Variants in GPR137B observed in about 807,000 individuals in gnomAD.
The protein encoded by GPR137B is integral membrane protein GPR137B.
In GPR137B, 42 loss-of-function variants were observed where a neutral mutation model predicts 42.5. That is an observed-to-expected ratio of 0.99 (90% CI 0.77 to 1.28). The LOEUF is 1.28. Ranked by LOEUF, GPR137B falls within the 50% of genes most tolerant of loss-of-function variation. The pLI is 0.00. For missense variants in GPR137B, 487 were observed against 493.9 expected, an observed-to-expected ratio of 0.99 and a Z score of 0.13; for synonymous variants, 218 against 209.7, an observed-to-expected ratio of 1.04 and a Z score of -0.34.
chr1:236,183,856 A>G lies in GPR137B; in HGVS notation c.916A>G (p.Thr306Ala). The change falls in exon 5 of 7, where the codon ACC (threonine) becomes GCC (alanine). Residue 306 changes from threonine (T) to alanine (A), a missense_variant. Thr to Ala is a moderately conservative substitution (Grantham distance 58, BLOSUM62 0). Transcript: ENST00000366592. ...GTTATTTGTTTGGGAACTCTTACCT[A>G]CCACCTTAGTCGTTTATTTCTTCCG... is the stretch of plus-strand genomic sequence containing the variant. ...VVLFVWELLP[T>A]TLVVYFFRVR... 6.2e-7 allele frequency: 1 copy of G among 1,606,098 alleles called. No individual in the cohort carries two copies. The highest frequency in any genetic ancestry group is 2.2e-5 in the East Asian group (1 of 44,716).
intron 5 of GPR137B, among the ~76,000 whole-genome samples, chr1:236,195,696 G>C (rs1446067116): frequency 2.0e-5 from 3 of 152,146 alleles, no homozygotes; most frequent in Non-Finnish European, 4.4e-5. Flanking sequence ...TCTCCATAGT[G>C]GTTGTACTAA....
At chr1:236,173,328 AAGGGAGGG>A (rs1662600508) in intron 2 of GPR137B, among the ~76,000 whole-genome samples, 1 of 148,054 alleles carries the variant, frequency 6.8e-6, no homozygotes, top group African/African-American at 2.5e-5. Flanking sequence ...GGATGAAAGG[AAGGGAGGG>A]AGGGAAAGAG....
rs1662757992 is a variant in GPR137B at position 236,178,500 on chromosome 1, A to G, written c.551A>G (p.Asn184Ser). ...TGTGCTGTGCTGGTAAAGACGGGAAATTGGGAGAGGAAGGTTATCGTCTCT... is the reference window on the plus strand; with the variant it reads ...TGTGCTGTGCTGGTAAAGACGGGAAGTTGGGAGAGGAAGGTTATCGTCTCT... ...LTCAVLVKTG[N>S]WERKVIVSVR... Residue 184 changes from asparagine to serine, a missense_variant, in exon 3 of 7, where the codon AAT (asparagine) becomes AGT (serine). Coordinates refer to ENST00000366592, the MANE Select transcript of GPR137B (RefSeq NM_003272.4). 3.1e-6 allele frequency: 5 copies of G among 1,613,700 alleles called. No homozygotes were observed. Among genetic ancestry groups the G allele is most frequent in the Non-Finnish European group, 3.4e-6 (4 of 1,179,796 alleles).
At chr1:236,146,497 CT>C (rs1661685969) in intron 1 of GPR137B, among the ~76,000 whole-genome samples, 3 of 152,100 alleles carry the variant, frequency 2.0e-5, no homozygotes, top group Non-Finnish European at 4.4e-5. Context: ...GTCCTTTGTG[CT>C]TTTGCAGGGT....
At chr1:236,173,463 G>T (rs1662606244) in intron 2 of GPR137B, among the ~76,000 whole-genome samples, 1 of 151,498 alleles carries the variant, frequency 6.6e-6, no homozygotes, top group Non-Finnish European at 1.5e-5. Flanking sequence ...GGAAGGAATC[G>T]ATGGTATTGG....
intron 4 of GPR137B, among the ~76,000 whole-genome samples, chr1:236,182,415 A>G (rs1045763934): frequency 6.6e-6 from 1 of 152,112 alleles, no homozygotes; most frequent in Non-Finnish European, 1.5e-5. Context: ...AGGAGTGGCC[A>G]TTCTTTCTTT....
At chr1:236,207,712 C>G (rs1663703426) in intron 6 of GPR137B, among the ~76,000 whole-genome samples, 1 of 152,250 alleles carries the variant, frequency 6.6e-6, no homozygotes, top group Admixed American at 6.5e-5. Context: ...ATAGAAGTTA[C>G]TTGTCCAAAG....
chr1:236,150,436 G>A lies in GPR137B; in HGVS notation c.414+7400G>A, dbSNP rs567189641. Among the ~76,000 whole-genome samples the A allele has an allele frequency of 3.3e-5, 5 of 152,240 alleles. No individual in the cohort carries two copies. Among genetic ancestry groups the A allele is most frequent in the Middle Eastern group, 3.4e-3 (1 of 294 alleles). Reference sequence around the variant, plus strand: ...TTCTAAACATACAGCCCAGTTTCCCGAGCCCTCTCCTCGAGCCATGGCAGC... The same window carrying A: ...TTCTAAACATACAGCCCAGTTTCCCAAGCCCTCTCCTCGAGCCATGGCAGC... On this transcript the variant is annotated intron_variant, in intron 1 of 6. Transcript: ENST00000366592. This position sits in a 1 kb window ranked among gnomAD's most constrained non-coding sequence, Gnocchi z 6.2.
chr1:236,166,529 A>ATATATATACATTATATATATTTT (rs1275025821), intron 1 of GPR137B, among the ~76,000 whole-genome samples: 2 of 143,152 alleles, frequency 1.4e-5, no homozygotes, highest in Non-Finnish European at 3.0e-5. Flanking sequence ...ATATATATTT[A>ATATATATACATTATATATATTTT]TATATATACA....
rs137953999 is a variant in GPR137B, at chr1:236,149,924, G to A, written c.414+6888G>A. ...CATGTGTGCCTGTGCACGTGTGGCT[G>A]CGTGCACCTGTGTGTGTATGTGCAT... On this transcript the variant is annotated intron_variant, in intron 1 of 6. Transcript: ENST00000366592. 3.3e-5 allele frequency among the ~76,000 whole-genome samples: 5 copies of A among 151,946 alleles called. No homozygotes were observed. The East Asian group carries it at 9.7e-4, about 29-fold the overall frequency.
At chr1:236,192,326 G>T (rs923864946) in intron 5 of GPR137B, among the ~76,000 whole-genome samples, 1 of 152,006 alleles carries the variant, frequency 6.6e-6, no homozygotes, top group African/African-American at 2.4e-5. Context: ...CTTTCCAGGG[G>T]AGTGAATGGT....
intron 5 of GPR137B, among the ~76,000 whole-genome samples, chr1:236,197,443 G>T (rs1266340510): frequency 2.0e-5 from 3 of 151,974 alleles, no homozygotes; most frequent in Non-Finnish European, 2.9e-5. Context: ...TTGGATTCTT[G>T]GTCATGATCT....
At chr1:236,176,547 C>G (rs1412461183) in intron 2 of GPR137B, among the ~76,000 whole-genome samples, 3 of 152,162 alleles carry the variant, frequency 2.0e-5, no homozygotes, top group Non-Finnish European at 4.4e-5. Flanking sequence ...TGATGAGCAG[C>G]CAGCCCCCAG....
chr1:236,180,016 T>C lies in GPR137B; in HGVS notation c.825T>C (p.Asn275=), dbSNP rs1571990208. The change falls in exon 4 of 7, where the codon AAT becomes AAC. Residue 275 remains asparagine (N), a synonymous_variant. Coordinates refer to ENST00000366592, the MANE Select transcript of GPR137B (RefSeq NM_003272.4). Reference sequence around the variant, plus strand: ...ATTCCTTTGATTATGACTGGTACAATGTATCAGACCAGGTCAGTGGGGGCG... The same window carrying C: ...ATTCCTTTGATTATGACTGGTACAACGTATCAGACCAGGTCAGTGGGGGCG... ...SVHSFDYDWY[N]VSDQADLKNQ... 2 of 1,613,774 alleles carry C rather than the reference T, an allele frequency of 1.2e-6. No individual in the cohort carries two copies. Among genetic ancestry groups the C allele is most frequent in the African/African-American group, 1.3e-5 (1 of 75,030 alleles).
At chr1:236,206,210 C>G (rs558541496) in intron 6 of GPR137B, among the ~76,000 whole-genome samples, 1 of 152,308 alleles carries the variant, frequency 6.6e-6, no homozygotes, top group African/African-American at 2.4e-5. Flanking sequence ...TTAGTCTTAA[C>G]AGTCCTGAGA....
At chr1:236,187,751 AATC>A (rs35219827) in intron 5 of GPR137B, among the ~76,000 whole-genome samples, 46,763 of 146,350 alleles carry the variant, frequency 0.32, 8,195 homozygotes, top group East Asian at 0.59. Flanking sequence ...CATAGTTTGA[AATC>A]AGGTAGCATG....
At chr1:236,178,762 C>G in intron 3 of GPR137B, 126 bp downstream of exon 3, 1 of 428,098 alleles carries the variant, frequency 2.3e-6, no homozygotes, top group Non-Finnish European at 4.4e-6. Context: ...GTTTTATTGT[C>G]TCCCACACAG....
chr1:236,191,954 C>A (rs1285450806), intron 5 of GPR137B, among the ~76,000 whole-genome samples: 1 of 152,194 alleles, frequency 6.6e-6, no homozygotes, highest in Non-Finnish European at 1.5e-5. Context: ...GTGCTCTGTC[C>A]CAGGGAGATG....
At chr1:236,169,443 T>G (rs74150311) in intron 2 of GPR137B, among the ~76,000 whole-genome samples, 5,844 of 152,282 alleles carry the variant, frequency 0.038, 399 homozygotes, top group African/African-American at 0.13. Context: ...CAGTGCTCAT[T>G]TAGGCACCAG....
Sources: gnomAD v4.1 joint callset for allele counts (sites outside exome capture counted in the v4.1 genomes callset) on GRCh38, gnomAD v4.1.1 for gene constraint, Gnocchi (gnomAD v3.1) non-coding constraint, MANE v1.5 for transcripts, NCBI Gene and HGNC (gene_info 2026-07-23, HGNC 2026-07-21) for gene names.